The following MACF1 variants were observed in gnomAD, a reference collection of about 807,000 sequenced individuals.
The protein encoded by MACF1 is microtubule actin crosslinking factor 1.
A neutral mutation model predicts 854.8 loss-of-function variants in MACF1; 193 were observed. The observed-to-expected ratio is 0.23, with a 90% CI of 0.20 to 0.25. The LOEUF (loss-of-function observed/expected upper bound fraction) is 0.25, where lower values mean the gene tolerates loss of function less well. Ranked by LOEUF, MACF1 falls within the 10% of genes least tolerant of loss-of-function variation. The pLI is 1.00. For synonymous variants in MACF1, 3,185 were observed against 3,226.7 expected (o/e 0.99, Z 0.44); for missense variants, 7,722 against 8,929.1 (o/e 0.86, Z 5.45).
At chr1:39,165,529 A>T (rs867264327) in intron 2 of MACF1, among the ~76,000 whole-genome samples, 1 of 152,040 alleles carries the variant, frequency 6.6e-6, no homozygotes, top group South Asian at 2.1e-4. Context: ...ACAACTGGAG[A>T]TGGTTGTTAT....
intron 58 of MACF1, among the ~76,000 whole-genome samples, chr1:39,395,655 C>T (rs940569826): frequency 6.6e-6 from 1 of 152,124 alleles, no homozygotes; most frequent in Non-Finnish European, 1.5e-5. Flanking sequence ...AGTTGTTCTC[C>T]ACAGCCAACC....
In MACF1 at chr1:39,335,437, A is replaced by T; in HGVS notation, c.8849A>T (p.Tyr2950Phe). ...GTGATTTTGGAAGTACAAGAAACATATTGTGAAACGTCAGGCAAATTGCCG... is the reference window on the plus strand; with the variant it reads ...GTGATTTTGGAAGTACAAGAAACATTTTGTGAAACGTCAGGCAAATTGCCG... ...GEVILEVQET[Y>F]CETSGKLPSE... The change falls in exon 37 of 101, where the codon TAT (tyrosine) becomes TTT (phenylalanine). Residue 2950 changes from tyrosine to phenylalanine, a missense_variant. By Grantham distance (22) the Tyr-to-Phe change is conservative (BLOSUM62 3). Coordinates refer to ENST00000564288, the MANE Select transcript of MACF1 (RefSeq NM_001394062.1). 6.2e-7 allele frequency: 1 copy of T among 1,614,228 alleles called. No individual in the cohort carries two copies. The highest frequency in any genetic ancestry group is 1.6e-4 in the Middle Eastern group (1 of 6,062).
intron 1 of MACF1, among the ~76,000 whole-genome samples, chr1:39,226,329 A>G (rs1201407855): frequency 1.3e-5 from 2 of 151,494 alleles, no homozygotes; most frequent in African/African-American, 4.9e-5. Context: ...GAACAGAATA[A>G]TTTATGGATA....
At chr1:39,364,009 G>T (rs74066763) in intron 49 of MACF1, among the ~76,000 whole-genome samples, 10,145 of 152,224 alleles carry the variant, frequency 0.067, 874 homozygotes, top group African/African-American at 0.2. Flanking sequence ...AATATTGGAA[G>T]TGTATCCTCA....
chr1:39,190,408 T>TTG (rs1553160988), intron 2 of MACF1, among the ~76,000 whole-genome samples: 4 of 140,630 alleles, frequency 2.8e-5, no homozygotes, highest in African/African-American at 5.1e-5. Flanking sequence ...TTTGTTTTTT[T>TTG]TTTTTTTTTT....
chr1:39,214,673 G>T (rs997485581), intron 1 of MACF1, among the ~76,000 whole-genome samples: 9 of 152,342 alleles, frequency 5.9e-5, no homozygotes, highest in African/African-American at 2.2e-4. Flanking sequence ...GAATCACTGG[G>T]GAGTTACTGA....
At chr1:39,411,993 T>G (rs1643029852) in intron 58 of MACF1, 7 of 1,613,988 alleles carry the variant, frequency 4.3e-6, no homozygotes, top group African/African-American at 1.3e-5. Context: ...AAAAAGTGCC[T>G]TTTAGCCCCA....
Position 39,425,804 on chromosome 1 carries a change from T to TATGATC in MACF1, c.16316+1613_16316+1618dup, listed in dbSNP as rs1643707346. Among the ~76,000 whole-genome samples, 3 of 152,214 alleles carry TATGATC rather than the reference T, an allele frequency of 2.0e-5. No homozygotes were observed. The South Asian group carries it at 6.2e-4, about 31-fold the overall frequency. On this transcript the variant is annotated intron_variant, in intron 61 of 100. Transcript: ENST00000564288. Reference sequence around the variant, plus strand: ...ATAACTCTTTATCTGTACCTTGTATTATGATCATTATTTTATGTACTTACC... The same window carrying TATGATC: ...ATAACTCTTTATCTGTACCTTGTATTATGATCATGATCATTATTTTATGTACTTACC...
chr1:39,222,950 T>G (rs756937105), intron 1 of MACF1, among the ~76,000 whole-genome samples: 22 of 152,200 alleles, frequency 1.4e-4, no homozygotes, highest in Non-Finnish European at 2.6e-4. Flanking sequence ...ATTTTGCCCC[T>G]CAAATGCAGG....
upstream of MACF1, among the ~76,000 whole-genome samples, chr1:39,202,047 A>G (rs1644396641): frequency 7.9e-6 from 1 of 126,790 alleles, no homozygotes; most frequent in Admixed American, 1.0e-4. Context: ...GCTCACTGCA[A>G]GCTCTGCCTC....
intron 1 of MACF1, among the ~76,000 whole-genome samples, chr1:39,213,575 A>G (rs1644541629): frequency 6.6e-6 from 1 of 152,108 alleles, no homozygotes; most frequent in South Asian, 2.1e-4. Flanking sequence ...GAGCTCAGGC[A>G]GTTTACCCGC....
chr1:39,089,719 TA>T (rs34902128), intron 2 of MACF1, among the ~76,000 whole-genome samples: 87,486 of 151,960 alleles, frequency 0.58, 25,755 homozygotes, highest in Non-Finnish European at 0.63. Context: ...ATTCATTCAA[TA>T]AAAAAAATGG....
At chr1:39,321,965 G>A (rs899574384) in intron 31 of MACF1, among the ~76,000 whole-genome samples, 5 of 152,180 alleles carry the variant, frequency 3.3e-5, no homozygotes, top group Non-Finnish European at 5.9e-5. Context: ...GTACCTAAGA[G>A]GCTACCGCAC....
rs372179014 is a variant in MACF1 at position 39,422,905 on chromosome 1, G to T, written c.16149+5G>T. The stretch of plus-strand genomic sequence containing the variant: ...GCACAGATCCAAGAACAGAAGGTAA[G>T]TGAGAATGTTGGGACAGTGAACTGT... On this transcript the variant is annotated splice_donor_5th_base_variant and intron_variant, in intron 60 of 100. Transcript: ENST00000564288. The T allele has an allele frequency of 3.7e-6, 6 of 1,613,494 alleles. No individual in the cohort carries two copies. The African/African-American group carries it at 8.0e-5, about 22-fold the overall frequency.
At chr1:39,214,355 A>G (rs554706876) in intron 1 of MACF1, among the ~76,000 whole-genome samples, 16 of 152,230 alleles carry the variant, frequency 1.1e-4, no homozygotes, top group Admixed American at 2.0e-4. Flanking sequence ...TGTTTCTTCA[A>G]CATTCCAGTG....
chr1:39,404,093 A>T (rs1054604579), intron 58 of MACF1, among the ~76,000 whole-genome samples: 35 of 151,958 alleles, frequency 2.3e-4, no homozygotes, highest in African/African-American at 8.5e-4. Flanking sequence ...GTGCCACTGC[A>T]TTCCAGCCTG....
chr1:39,235,324 C>T (rs1431007388), intron 2 of MACF1, among the ~76,000 whole-genome samples: 5 of 152,326 alleles, frequency 3.3e-5, no homozygotes, highest in East Asian at 3.9e-4. Context: ...GCCAACAGAG[C>T]GAAACCCCGT....
intron 23 of MACF1, among the ~76,000 whole-genome samples, chr1:39,307,569 G>A (rs530402129): frequency 8.5e-5 from 13 of 152,106 alleles, no homozygotes; most frequent in Non-Finnish European, 1.8e-4. Flanking sequence ...TTTCTTGGAT[G>A]ATGATGATTA....
chr1:39,095,373 C>T (rs1641910908), intron 2 of MACF1, among the ~76,000 whole-genome samples: 1 of 149,300 alleles, frequency 6.7e-6, no homozygotes. Context: ...CCATCCTGGC[C>T]AACATGGTGA....
Sources: gnomAD v4.1 joint callset for allele counts (sites outside exome capture counted in the v4.1 genomes callset) on GRCh38, gnomAD v4.1.1 for gene constraint, MANE v1.5 for transcripts, NCBI Gene and HGNC (gene_info 2026-07-23, HGNC 2026-07-21) for gene names.